Variants in PTPRF observed in about 807,000 individuals in gnomAD.
PTPRF encodes the protein receptor-type tyrosine-protein phosphatase F.
Under a neutral mutation model 201.8 loss-of-function variants are expected in PTPRF, and 59 were observed. The ratio of observed to expected loss-of-function variants is 0.29; its 90% CI spans 0.24 to 0.36. The LOEUF (loss-of-function observed/expected upper bound fraction) is 0.36. Ranked by LOEUF, PTPRF falls within the 10% of genes least tolerant of loss-of-function variation. The pLI is 1.00. For synonymous variants in PTPRF, 1,088 were observed against 1,089.7 expected (o/e 1.00, Z 0.03); for missense variants, 2,132 against 2,690.5 (o/e 0.79, Z 4.59).
chr1:43,613,064 C>T (rs564864599), intron 22 of PTPRF: 2 of 356,100 alleles, frequency 5.6e-6, no homozygotes, highest in Non-Finnish European at 1.1e-5. Flanking sequence ...GGCCTGACAC[C>T]CTTCCTTCTG....
chr1:43,568,106 G>A (rs1188241030), intron 5 of PTPRF, among the ~76,000 whole-genome samples: 1 of 152,028 alleles, frequency 6.6e-6, no homozygotes, highest in Non-Finnish European at 1.5e-5. Flanking sequence ...GCCCAGCCTG[G>A]CCAACATGGT....
intron 2 of PTPRF, among the ~76,000 whole-genome samples, chr1:43,541,912 C>T (rs979993053): frequency 8.5e-5 from 13 of 152,156 alleles, no homozygotes; most frequent in Admixed American, 7.2e-4. Context: ...CCCAGTGCTC[C>T]GGCCTTGTTT....
At chr1:43,616,983 G>A (rs1308170891) in intron 23 of PTPRF, among the ~76,000 whole-genome samples, 1 of 152,126 alleles carries the variant, frequency 6.6e-6, no homozygotes, top group African/African-American at 2.4e-5. Flanking sequence ...GAGCCGAGCA[G>A]GGAGGGATCC....
In PTPRF at chr1:43,619,756, T is replaced by G; in HGVS notation, c.5009T>G (p.Leu1670Arg). Residue 1670 changes from leucine (L) to arginine (R), a missense_variant, in exon 29 of 34, where the codon CTG becomes CGG. Coordinates refer to ENST00000359947, the MANE Select transcript of PTPRF (RefSeq NM_002840.5). ...NLPCNKFKNR[L>R]VNIMPYELTR... is the part of the protein sequence containing the mutation. ...CCCTGCAACAAGTTCAAGAACCGGC[T>G]GGTGAACATCATGCCCTACGAATTG... The G allele has an allele frequency of 6.2e-7, 1 of 1,614,260 alleles. No individual in the cohort carries two copies. Among genetic ancestry groups the G allele is most frequent in the Non-Finnish European group, 8.5e-7 (1 of 1,180,038 alleles).
chr1:43,617,917 G>T lies in PTPRF; in HGVS notation c.4371+6G>T, dbSNP rs999501429. On this transcript the variant is annotated splice_donor_region_variant and intron_variant, in intron 25 of 33. Transcript: ENST00000359947. The stretch of plus-strand genomic sequence containing the variant: ...GGCTGGAGGAGAAGTCCCGGGTGAG[G>T]CTGCAGGGCCCTGCCAGGAGGCGGG... 4.3e-5 allele frequency: 69 copies of T among 1,601,124 alleles called. No homozygotes were observed. Among genetic ancestry groups the T allele is most frequent in the Non-Finnish European group, 5.7e-5 (67 of 1,170,370 alleles).
chr1:43,557,495 G>T (rs978612696), intron 5 of PTPRF, among the ~76,000 whole-genome samples: 1 of 152,206 alleles, frequency 6.6e-6, no homozygotes, highest in Admixed American at 6.5e-5. Flanking sequence ...TTAACTGGGC[G>T]TGGTGGCGCA....
At chr1:43,592,022 G>A in intron 10 of PTPRF, 74 bp downstream of exon 10, 1 of 1,582,484 alleles carries the variant, frequency 6.3e-7, no homozygotes, top group Non-Finnish European at 8.6e-7. Flanking sequence ...AACCCAGGAG[G>A]GTATTTTCTG....
In PTPRF at chr1:43,588,515, G is replaced by T. The variant is rs1484729311; in HGVS notation, c.680-216G>T. 6.6e-6 allele frequency among the ~76,000 whole-genome samples: 1 copy of T among 152,186 alleles called. No individual in the cohort carries two copies. Reference sequence around the variant, plus strand: ...GATCTCTCATTGAGTAAGTCATCGTGCTCCAGACAGTCCCTGAGTGTGGGG... The same window carrying T: ...GATCTCTCATTGAGTAAGTCATCGTTCTCCAGACAGTCCCTGAGTGTGGGG... On this transcript the variant is annotated intron_variant, in intron 7 of 33. Coordinates refer to ENST00000359947, the MANE Select transcript of PTPRF (RefSeq NM_002840.5). This position sits in a 1 kb window ranked among gnomAD's most constrained non-coding sequence, Gnocchi z 5.3.
Position 43,619,589 on chromosome 1 carries a change from G to A in PTPRF, c.4932+16G>A. 1 of 1,610,524 alleles carries A rather than the reference G, an allele frequency of 6.2e-7. No homozygotes were observed. Among genetic ancestry groups the A allele is most frequent in the Non-Finnish European group, 8.5e-7 (1 of 1,177,560 alleles). On this transcript the variant is annotated intron_variant, in intron 28 of 33. Coordinates refer to ENST00000359947, the MANE Select transcript of PTPRF (RefSeq NM_002840.5). The stretch of plus-strand genomic sequence containing the variant: ...CGAGTTCAAGGTGGGGCTCGGGTGG[G>A]CCTGCTTGGCTCCAGGGCCTAGACT...
chr1:43,548,001 C>G lies in PTPRF; in HGVS notation c.91+2835C>G, dbSNP rs184617206. Among the ~76,000 whole-genome samples the G allele has an allele frequency of 2.0e-5, 3 of 152,254 alleles. No homozygotes were observed. The East Asian group carries it at 5.8e-4, about 29-fold the overall frequency. On this transcript the variant is annotated intron_variant, in intron 3 of 33. Transcript: ENST00000359947. ...GGAGGCACAGGCTTGTGAGCAGTGACCACAGGGTGTGCTGGGTAGGTGGCA... is the reference window on the plus strand; with the variant it reads ...GGAGGCACAGGCTTGTGAGCAGTGAGCACAGGGTGTGCTGGGTAGGTGGCA...
chr1:43,556,725 A>G (rs1453771405), intron 5 of PTPRF, among the ~76,000 whole-genome samples: 1 of 152,156 alleles, frequency 6.6e-6, no homozygotes, highest in Non-Finnish European at 1.5e-5. Flanking sequence ...TATAATGCCT[A>G]CCACCCAAGC....
Position 43,617,581 on chromosome 1 carries a change from G to T in PTPRF, c.4195+13G>T. On this transcript the variant is annotated intron_variant, in intron 24 of 33. Coordinates refer to ENST00000359947, the MANE Select transcript of PTPRF (RefSeq NM_002840.5). ...ACCTCTATCGATGGTGAGCCAAGGG[G>T]GTGCCCCTCCCATCCCCTTGCTCTC... 1 of 1,613,656 alleles carries T rather than the reference G, an allele frequency of 6.2e-7. No individual in the cohort carries two copies. The highest frequency in any genetic ancestry group is 8.5e-7 in the Non-Finnish European group (1 of 1,179,900).
chr1:43,601,641 T>C (rs1490608230), intron 13 of PTPRF, among the ~76,000 whole-genome samples: 1 of 152,212 alleles, frequency 6.6e-6, no homozygotes, highest in Non-Finnish European at 1.5e-5. Context: ...GCCAGGACTG[T>C]CCGAGGCAAA....
At chr1:43,592,189 C>T (rs1293737611) in intron 10 of PTPRF, among the ~76,000 whole-genome samples, 6 of 151,982 alleles carry the variant, frequency 3.9e-5, no homozygotes, top group African/African-American at 1.5e-4. Flanking sequence ...GTTTCCTAGG[C>T]TCTGTGGCTC....
At chr1:43,612,400 T>C (rs1427002278) in intron 22 of PTPRF, among the ~76,000 whole-genome samples, 2 of 152,162 alleles carry the variant, frequency 1.3e-5, no homozygotes, top group Non-Finnish European at 2.9e-5. Context: ...GAGGGCTCTT[T>C]TTTCCAACGT....
rs374100002 is a variant in PTPRF at position 43,558,558 on chromosome 1, G to A, written c.379+4617G>A. ...CTGTCCTGGCTGTGATGAGCGTGGG[G>A]CCCGCCGCCCAGCGTTCCTGTCTGA... On this transcript the variant is annotated intron_variant, in intron 5 of 33. Transcript: ENST00000359947. 4.3e-4 allele frequency among the ~76,000 whole-genome samples: 65 copies of A among 152,310 alleles called. 1 individual carries two copies. In the East Asian group the frequency reaches 9.5e-3, roughly 22 times the overall value.
Position 43,546,245 on chromosome 1 carries a change from C to T in PTPRF, c.91+1079C>T, listed in dbSNP as rs770085273. Among the ~76,000 whole-genome samples the T allele has an allele frequency of 6.6e-6, 1 of 152,138 alleles. No individual in the cohort carries two copies. Among genetic ancestry groups the T allele is most frequent in the African/African-American group, 2.4e-5 (1 of 41,420 alleles). On this transcript the variant is annotated intron_variant, in intron 3 of 33. Transcript: ENST00000359947. The surrounding 1 kb of genome is among the most constrained non-coding windows in gnomAD (Gnocchi z 4.2). Reference sequence around the variant, plus strand: ...GAGTGGGGTGGGACTGGTGTGGTCCCGCCCTTTGTCCTCAAGTGCTGGGTC... The same window carrying T: ...GAGTGGGGTGGGACTGGTGTGGTCCTGCCCTTTGTCCTCAAGTGCTGGGTC...
At chr1:43,547,976 G>A (rs1644788896) in intron 3 of PTPRF, among the ~76,000 whole-genome samples, 1 of 152,222 alleles carries the variant, frequency 6.6e-6, no homozygotes, top group South Asian at 2.1e-4. Context: ...CCTGCAGTGT[G>A]GAGGCACAGG....
At chr1:43,602,891 CAG>C (rs1250122949) in intron 14 of PTPRF, among the ~76,000 whole-genome samples, 3 of 152,168 alleles carry the variant, frequency 2.0e-5, no homozygotes, top group Non-Finnish European at 2.9e-5. Context: ...TAGACATTCA[CAG>C]AGTTAGTGGC....
Sources: allele counts gnomAD v4.1 joint callset (sites outside exome capture counted in the v4.1 genomes callset), GRCh38; gene constraint gnomAD v4.1.1; non-coding constraint Gnocchi (gnomAD v3.1); transcripts MANE v1.5; gene names NCBI Gene and HGNC (gene_info 2026-07-23, HGNC 2026-07-21).